NPHP4: variants seen among roughly 807,000 people sequenced by gnomAD.
The protein encoded by NPHP4 is nephrocystin-4.
In NPHP4, 151 loss-of-function variants were observed where a neutral mutation model predicts 155.8. The ratio of observed to expected loss-of-function variants is 0.97; its 90% CI spans 0.85 to 1.11. The LOEUF is 1.11. Ranked by LOEUF, NPHP4 falls within the 50% of genes least tolerant of loss-of-function variation. The pLI, the probability that NPHP4 is intolerant of heterozygous loss-of-function variation, is 0.00. For synonymous variants in NPHP4, 845 were observed against 816.8 expected (o/e 1.03, Z -0.59); for missense variants, 1,956 against 1,925.7 (o/e 1.02, Z -0.29).
chr1:5,989,119 G>A (rs1375119198), intron 1 of NPHP4, among the ~76,000 whole-genome samples: 2 of 152,068 alleles, frequency 1.3e-5, no homozygotes, highest in African/African-American at 4.8e-5. Context: ...CCCACACTGA[G>A]CCATCAGTCT....
intron 23 of NPHP4, among the ~76,000 whole-genome samples, chr1:5,869,552 A>C (rs1641789940): frequency 6.6e-6 from 1 of 152,276 alleles, no homozygotes; most frequent in Admixed American, 6.5e-5. Flanking sequence ...AACAAATCTA[A>C]GCTTCTATCA....
At chr1:5,888,089 G>A (rs981811873) in intron 17 of NPHP4, among the ~76,000 whole-genome samples, 4 of 152,214 alleles carry the variant, frequency 2.6e-5, no homozygotes, top group East Asian at 1.9e-4. Context: ...GAGGCCCGCC[G>A]GGAGCCCTGG....
chr1:5,891,884 G>A (rs1188462890), intron 16 of NPHP4, among the ~76,000 whole-genome samples: 3 of 152,176 alleles, frequency 2.0e-5, no homozygotes, highest in East Asian at 3.9e-4. Flanking sequence ...TTCCATCTGC[G>A]TTTCTCAAGA....
chr1:5,953,688 T>C (rs993748643), intron 6 of NPHP4, among the ~76,000 whole-genome samples: 4 of 152,052 alleles, frequency 2.6e-5, no homozygotes, highest in African/African-American at 7.3e-5. Flanking sequence ...CAGCTCACGG[T>C]CTCGTGCAAA....
At chr1:5,960,011 T>C (rs918789253) in intron 6 of NPHP4, among the ~76,000 whole-genome samples, 2 of 152,222 alleles carry the variant, frequency 1.3e-5, no homozygotes, top group Non-Finnish European at 2.9e-5. Context: ...GGGCCCTCCC[T>C]GGCCAGCAGA....
rs182667415 is a variant in NPHP4 at position 5,936,777 on chromosome 1, G to T, written c.1120-3448C>A. On this transcript the variant is annotated intron_variant, in intron 9 of 29. Coordinates refer to ENST00000378156, the MANE Select transcript of NPHP4 (RefSeq NM_015102.5). ...CTACAAACCAGAGTCCCTGTGGCGG[G>T]CTCAATGTGTCCTCCAAAAAGATGC... is the stretch of plus-strand genomic sequence containing the variant. Among the ~76,000 whole-genome samples the T allele has an allele frequency of 3.6e-3, 555 of 152,306 alleles. 1 individual carries two copies. The highest frequency in any genetic ancestry group is 0.012 in the African/African-American group (511 of 41,564).
In NPHP4 at chr1:5,890,943, G is replaced by C. The variant is rs747582558; in HGVS notation, c.2229C>G (p.Ala743=). The C allele has an allele frequency of 1.2e-6, 2 of 1,606,170 alleles. No individual in the cohort carries two copies. Among genetic ancestry groups the C allele is most frequent in the South Asian group, 1.1e-5 (1 of 90,228 alleles). ...AGACGTCAATCTGCAGGGTCTGCACGGCCAGGTAGCGGGCAAAGCAGCGCC... is the reference window on the plus strand; with the variant it reads ...AGACGTCAATCTGCAGGGTCTGCACCGCCAGGTAGCGGGCAAAGCAGCGCC... The part of the protein sequence containing the change: ...GERRCFARYL[A]VQTLQIDVWD... The change falls in exon 17 of 30, where the codon GCC becomes GCG. Residue 743 remains alanine (A), a synonymous_variant. Coordinates refer to ENST00000378156, the MANE Select transcript of NPHP4 (RefSeq NM_015102.5). The surrounding 1 kb of genome is among the most constrained non-coding windows in gnomAD (Gnocchi z 4.9).
rs1338927089 is a variant in NPHP4 at position 5,874,911 on chromosome 1, G to A, written c.3007C>T (p.His1003Tyr). Residue 1003 changes from histidine to tyrosine, a missense_variant, in exon 21 of 30, where the codon CAC (histidine) becomes TAC (tyrosine). Physicochemically the swap from His to Tyr is moderately conservative, Grantham distance 83 (BLOSUM62 2). Coordinates refer to ENST00000378156, the MANE Select transcript of NPHP4 (RefSeq NM_015102.5). ...FVLKNPHNTQ[H>Y]TVTVEIDNPE... ...TTGTCGATCTCCACAGTCACCGTGT[G>A]CTGTGTGTTGTGGGGGTTCTTAAGC... 1 of 1,613,838 alleles carries A rather than the reference G, an allele frequency of 6.2e-7. No homozygotes were observed. Among genetic ancestry groups the A allele is most frequent in the Non-Finnish European group, 8.5e-7 (1 of 1,179,872 alleles).
rs1641340827 is a variant in NPHP4, at chr1:5,867,282, C to T, written c.3473-167G>A. 3.3e-6 allele frequency: 2 copies of T among 607,270 alleles called. No homozygotes were observed. Among genetic ancestry groups the T allele is most frequent in the Middle Eastern group, 2.7e-4 (1 of 3,704 alleles). 37.6% of individuals were successfully genotyped at this position (607,270 alleles called of 1,614,324 possible). ...CACCTTTCCCAGGACAGCATCCAAG[C>T]ACTGTGTTCCCTGCATGGACACCGC... is the stretch of plus-strand genomic sequence containing the variant. On this transcript the variant is annotated intron_variant, in intron 24 of 29. Coordinates refer to ENST00000378156, the MANE Select transcript of NPHP4 (RefSeq NM_015102.5). This position sits in a 1 kb window ranked among gnomAD's most constrained non-coding sequence, Gnocchi z 4.1.
At chr1:5,888,311 G>T in intron 17 of NPHP4, 3 of 1,036,748 alleles carry the variant, frequency 2.9e-6, no homozygotes, top group Non-Finnish European at 3.5e-6. Flanking sequence ...CCCCAGGCGT[G>T]GCTGGGACAC....
At position 5,909,091 on chromosome 1, in the gene NPHP4, G is replaced by A. The variant is rs560616180; in HGVS notation, c.1503+61C>T. 75 of 1,351,024 alleles carry A rather than the reference G, an allele frequency of 5.6e-5. No individual in the cohort carries two copies. In the African/African-American group the frequency reaches 7.5e-4, roughly 14 times the overall value. 83.7% of individuals were successfully genotyped at this position (1,351,024 alleles called of 1,614,324 possible). A position where few individuals can be genotyped will look rare whatever the true frequency, so the allele number is the denominator to read the frequency against. On this transcript the variant is annotated intron_variant, in intron 12 of 29. Coordinates refer to ENST00000378156, the MANE Select transcript of NPHP4 (RefSeq NM_015102.5). ...CACTGTGCTTAAGGGGGGACAGAGG[G>A]TTTTCTTGCAAGTAATTGACTCTGG...
At chr1:5,877,576 G>T in intron 19 of NPHP4, 1 of 315,824 alleles carries the variant, frequency 3.2e-6, no homozygotes, top group Admixed American at 4.9e-5. Context: ...CACCACCAGG[G>T]GGTTTTCTAG....
At chr1:5,922,468 A>G (rs1645791008) in intron 11 of NPHP4, among the ~76,000 whole-genome samples, 1 of 152,212 alleles carries the variant, frequency 6.6e-6, no homozygotes, top group Non-Finnish European at 1.5e-5. Context: ...TTAGAACATT[A>G]CAGTAAGTCT....
rs763040852 is a variant in NPHP4, at chr1:5,905,737, A to G, written c.1658T>C (p.Leu553Pro). ...TTCCAGGACCAGGGAGGTCTGGCTC[A>G]GGTCGGCTTCCAGGTGGGAGATACC... Reference protein sequence around the residue: ...EAGISHLEADLSQTSLVLETS... With the variant: ...EAGISHLEADPSQTSLVLETS... The change falls in exon 14 of 30, where the codon CTG (leucine) becomes CCG (proline). Residue 553 changes from leucine (L) to proline (P), a missense_variant. Transcript: ENST00000378156. The surrounding 1 kb of genome is among the most constrained non-coding windows in gnomAD (Gnocchi z 4.0). 3 of 1,613,026 alleles carry G rather than the reference A, an allele frequency of 1.9e-6. No individual in the cohort carries two copies. The highest frequency in any genetic ancestry group is 2.5e-6 in the Non-Finnish European group (3 of 1,179,462).
intron 19 of NPHP4, 111 bp downstream of exon 19, chr1:5,880,003 G>A: frequency 3.2e-6 from 4 of 1,253,656 alleles, no homozygotes; most frequent in Non-Finnish European, 4.5e-6. Flanking sequence ...CACGAATGGT[G>A]CACACACACA....
intron 1 of NPHP4, among the ~76,000 whole-genome samples, chr1:5,989,443 G>A (rs993061048): frequency 1.3e-5 from 2 of 152,176 alleles, no homozygotes; most frequent in Non-Finnish European, 2.9e-5. Context: ...GGCTCACATG[G>A]CCCCTGTGCT....
intron 19 of NPHP4, among the ~76,000 whole-genome samples, chr1:5,878,320 G>A (rs1384534794): frequency 2.0e-5 from 3 of 152,222 alleles, no homozygotes; most frequent in African/African-American, 7.2e-5. Flanking sequence ...CAATTTTAAC[G>A]CCGGCAAACT....
At chr1:5,921,628 T>C (rs1227027751) in intron 11 of NPHP4, among the ~76,000 whole-genome samples, 1 of 152,260 alleles carries the variant, frequency 6.6e-6, no homozygotes, top group East Asian at 1.9e-4. Flanking sequence ...TTCTTCTCTA[T>C]AAATTCCCTC....
chr1:5,899,770 A>C (rs935025718), intron 16 of NPHP4, among the ~76,000 whole-genome samples: 6 of 152,214 alleles, frequency 3.9e-5, no homozygotes, highest in Admixed American at 6.5e-5. Flanking sequence ...CTTCACTAAA[A>C]TGAAAAACTT....
Sources: gnomAD v4.1 joint callset for allele counts (sites outside exome capture counted in the v4.1 genomes callset) on GRCh38, gnomAD v4.1.1 for gene constraint, Gnocchi (gnomAD v3.1) non-coding constraint, MANE v1.5 for transcripts, NCBI Gene and HGNC (gene_info 2026-07-23, HGNC 2026-07-21) for gene names.